CDHR3: variants seen among roughly 807,000 people sequenced by gnomAD.
CDHR3 encodes the protein cadherin-related family member 3.
In CDHR3, 79 loss-of-function variants were observed where a neutral mutation model predicts 86.6. The ratio of observed to expected loss-of-function variants is 0.91; its 90% CI spans 0.76 to 1.10. The LOEUF is 1.10. Among genes scored for constraint, CDHR3 ranks in the 50% least tolerant of loss-of-function variants. The probability of loss-of-function intolerance (pLI) is 0.00; values close to 1 mark genes in which losing one functional copy is unlikely to be tolerated. For synonymous variants in CDHR3, 421 were observed against 402.4 expected (o/e 1.05, Z -0.55); for missense variants, 1,081 against 1,077.6 (o/e 1.00, Z -0.04).
chr7:106,013,589 A>T (rs10257002), intron 9 of CDHR3, among the ~76,000 whole-genome samples: 1 of 151,926 alleles, frequency 6.6e-6, no homozygotes, highest in African/African-American at 2.4e-5. Context: ...TTACAGAGCT[A>T]CTGCTGGAAG....
chr7:106,013,133 C>A, intron 9 of CDHR3, 102 bp downstream of exon 9: 1 of 1,058,280 alleles, frequency 9.4e-7, no homozygotes, highest in Non-Finnish European at 1.3e-6. Context: ...AGGTAACCCC[C>A]TCTCAGAGCG....
At chr7:105,999,320 G>T (rs1424313583) in intron 6 of CDHR3, among the ~76,000 whole-genome samples, 1 of 152,184 alleles carries the variant, frequency 6.6e-6, no homozygotes, top group Non-Finnish European at 1.5e-5. Context: ...TTCGCCTGAG[G>T]AGCTGCATCG....
At chr7:106,012,592 G>A (rs2115839912) in intron 8 of CDHR3, among the ~76,000 whole-genome samples, 1 of 152,292 alleles carries the variant, frequency 6.6e-6, no homozygotes, top group African/African-American at 2.4e-5. Flanking sequence ...GGGACTTTGA[G>A]TGAAATGAGG....
intron 2 of CDHR3, 114 bp from the exon 3 acceptor site, chr7:105,980,854 C>T: frequency 6.2e-6 from 6 of 960,618 alleles, no homozygotes; most frequent in Non-Finnish European, 9.5e-6. Flanking sequence ...TGAATGAATG[C>T]TGGTTTCCGG....
intron 8 of CDHR3, among the ~76,000 whole-genome samples, chr7:106,011,676 A>G (rs192484592): frequency 4.6e-5 from 7 of 152,356 alleles, no homozygotes; most frequent in Non-Finnish European, 7.3e-5. Flanking sequence ...GATATCATTT[A>G]TGTCCATTTT....
chr7:105,970,859 C>T (rs1357398924), intron 1 of CDHR3, among the ~76,000 whole-genome samples: 4 of 152,124 alleles, frequency 2.6e-5, no homozygotes, highest in Non-Finnish European at 5.9e-5. Flanking sequence ...GAGAACCCAG[C>T]TTGGCTATCT....
chr7:106,008,954 T>C (rs1834348853), intron 8 of CDHR3, among the ~76,000 whole-genome samples: 1 of 152,164 alleles, frequency 6.6e-6, no homozygotes. Context: ...ATCTGTTAAT[T>C]GTATATTTGG....
At chr7:105,986,439 A>G (rs1413791226) in intron 4 of CDHR3, among the ~76,000 whole-genome samples, 1 of 152,200 alleles carries the variant, frequency 6.6e-6, no homozygotes, top group Non-Finnish European at 1.5e-5. Context: ...CGTAGGGGAG[A>G]AGGAACAGCT....
Position 106,036,350 on chromosome 7 carries a change from A to T in CDHR3, c.*3653A>T, listed in dbSNP as rs1042162207. The T allele has an allele frequency of 7.2e-5, 11 of 152,236 alleles. No homozygotes were observed. The highest frequency in any genetic ancestry group is 2.4e-4 in the African/African-American group (10 of 41,458). The allele number at this position is 152,236 out of a possible 1,614,324, so 9.4% of individuals were successfully genotyped here. ...GTGAACATTGAAGACAATGATTGCTATTGAAACTTAGGATTTCTCATTTCA... is the reference window on the plus strand; with the variant it reads ...GTGAACATTGAAGACAATGATTGCTTTTGAAACTTAGGATTTCTCATTTCA... On this transcript the variant is annotated 3_prime_UTR_variant, in exon 19 of 19. Transcript: ENST00000317716.
intron 6 of CDHR3, 95 bp downstream of exon 6, chr7:105,996,449 A>G: frequency 3.1e-6 from 2 of 646,190 alleles, no homozygotes. Context: ...AGGCAGAGGG[A>G]TGCCCTTTGC....
chr7:105,978,135 C>T (rs565296990), intron 2 of CDHR3, among the ~76,000 whole-genome samples: 1 of 152,208 alleles, frequency 6.6e-6, no homozygotes, highest in Non-Finnish European at 1.5e-5. Flanking sequence ...ATCAGGTAGG[C>T]TGCCCCAAGA....
intron 2 of CDHR3, among the ~76,000 whole-genome samples, chr7:105,979,120 C>T (rs1758737611): frequency 6.6e-6 from 1 of 152,170 alleles, no homozygotes; most frequent in South Asian, 2.1e-4. Flanking sequence ...CATAGATTAG[C>T]TCATCGAATC....
intron 16 of CDHR3, among the ~76,000 whole-genome samples, chr7:106,027,166 G>T (rs184002927): frequency 2.1e-4 from 32 of 152,266 alleles, no homozygotes; most frequent in African/African-American, 7.2e-4. Context: ...AGAGGACGAG[G>T]TGGGTGGATC....
At chr7:106,016,063 A>G (rs1338941797) in intron 11 of CDHR3, 38 bp downstream of exon 11, 2 of 1,360,220 alleles carry the variant, frequency 1.5e-6, no homozygotes, top group South Asian at 1.2e-5. Flanking sequence ...AGTGCTGTCA[A>G]TGGACTCCAT....
intron 6 of CDHR3, 30 bp downstream of exon 6, chr7:105,996,384 G>T: frequency 7.4e-7 from 1 of 1,350,152 alleles, no homozygotes. Flanking sequence ...GGACTCCCTG[G>T]GCCGCAGGTG....
intron 13 of CDHR3, 67 bp downstream of exon 13, chr7:106,020,611 G>A (rs539555162): frequency 1.3e-6 from 2 of 1,535,782 alleles, no homozygotes; most frequent in African/African-American, 1.4e-5. Flanking sequence ...TAGGGTAGGG[G>A]TCTGTGCTCA....
At chr7:105,997,614 A>G (rs1832452544) in intron 6 of CDHR3, among the ~76,000 whole-genome samples, 1 of 150,432 alleles carries the variant, frequency 6.6e-6, no homozygotes, top group Admixed American at 6.6e-5. Flanking sequence ...CCCCAGAGGA[A>G]GGTGATGGCT....
chr7:105,971,140 C>A (rs369220559), intron 1 of CDHR3, among the ~76,000 whole-genome samples: 27 of 136,864 alleles, frequency 2.0e-4, no homozygotes, highest in African/African-American at 2.8e-4. Context: ...GACTCCATTT[C>A]AAAAAAAAAA....
At position 105,976,207 on chromosome 7, in the gene CDHR3, G is replaced by C. The variant is rs147079229; in HGVS notation, c.249+1161G>C. ...TTGGTTCCTGTAAGCCTTGTCAATT[G>C]CTTACCCTTATAGAGCACGTTGTGT... On this transcript the variant is annotated intron_variant, in intron 2 of 18. Transcript: ENST00000317716. Among the ~76,000 whole-genome samples, 6 of 152,298 alleles carry C rather than the reference G, an allele frequency of 3.9e-5. No homozygotes were observed. In the East Asian group the frequency reaches 1.2e-3, roughly 29 times the overall value.
Sources: gnomAD v4.1 joint callset for allele counts (sites outside exome capture counted in the v4.1 genomes callset) on GRCh38, gnomAD v4.1.1 for gene constraint, MANE v1.5 for transcripts, NCBI Gene and HGNC (gene_info 2026-07-23, HGNC 2026-07-21) for gene names.